APOO: variants seen among roughly 807,000 people sequenced by gnomAD.
APOO encodes the protein apolipoprotein O.
In APOO, 11 loss-of-function variants were observed where a neutral mutation model predicts 23.1. The observed-to-expected ratio is 0.48, with a 90% CI of 0.30 to 0.79. The LOEUF is 0.79. Among genes scored for constraint, APOO ranks in the 30% least tolerant of loss-of-function variants. The pLI, the probability that APOO is intolerant of heterozygous loss-of-function variation, is 0.07. For missense variants in APOO, 160 were observed against 142.7 expected, an observed-to-expected ratio of 1.12 and a Z score of -0.62; for synonymous variants, 59 against 54.8, an observed-to-expected ratio of 1.08 and a Z score of -0.34.
intron 5 of APOO, among the ~76,000 whole-genome samples, chrX:23,867,766 T>A (rs1456572584): frequency 4.5e-5 from 5 of 111,234 alleles, no homozygotes; most frequent in Admixed American, 9.7e-5. Flanking sequence ...ATGGTCTCGA[T>A]CTCCTGACCT....
rs1219687738 is a variant in APOO, at chrX:23,868,683, A to G, written c.298T>C (p.Tyr100His). ...GGAGGTGCATTTTGGAGATAGTCAT[A>G]GCTGTCTACAATAGAATTAGACCAG... ...QSLVQWGLDSYDYLQNAPPGF... is the reference protein window; with the variant it reads ...QSLVQWGLDSHDYLQNAPPGF... Residue 100 changes from tyrosine (Y) to histidine (H), a missense_variant, in exon 5 of 9, where the codon TAT (tyrosine) becomes CAT (histidine). By Grantham distance (83) the Tyr-to-His change is moderately conservative (BLOSUM62 2). Coordinates refer to ENST00000379226, the MANE Select transcript of APOO (RefSeq NM_024122.5). The G allele has an allele frequency of 4.2e-6, 5 of 1,200,539 alleles. No individual in the cohort carries two copies. The African/African-American group carries it at 5.3e-5, about 13-fold the overall frequency.
intron 2 of APOO, among the ~76,000 whole-genome samples, chrX:23,880,061 T>A: frequency 9.1e-6 from 1 of 110,220 alleles, no homozygotes; most frequent in Non-Finnish European, 1.9e-5. Context: ...ATTTCTTGTT[T>A]TTTTTTTTTT....
intron 1 of APOO, 71 bp downstream of exon 1, chrX:23,907,623 A>G: frequency 9.1e-7 from 1 of 1,101,582 alleles, no homozygotes; most frequent in Non-Finnish European, 1.2e-6. Flanking sequence ...AGAGGCCCCA[A>G]GAGAGCGCGG....
Position 23,847,746 on chromosome X carries a change from T to C in APOO, c.562-7369A>G, listed in dbSNP as rs1423817248. Among the ~76,000 whole-genome samples the C allele has an allele frequency of 1.1e-4, 12 of 108,132 alleles. No individual in the cohort carries two copies. The Admixed American group carries it at 1.2e-3, about 11-fold the overall frequency. The allele number at this position is 108,132 out of a possible 115,157, so 93.9% of individuals were successfully genotyped here. On this transcript the variant is annotated intron_variant, in intron 7 of 8. Transcript: ENST00000379226. ...CTCCTAGACTCAAGTGATCCTCCTGTCTCAGCCTCCCAAAGTGCTGGGATT... is the reference window on the plus strand; with the variant it reads ...CTCCTAGACTCAAGTGATCCTCCTGCCTCAGCCTCCCAAAGTGCTGGGATT...
At chrX:23,862,136 A>G (rs905534600) in intron 5 of APOO, among the ~76,000 whole-genome samples, 1 of 111,349 alleles carries the variant, frequency 9.0e-6, no homozygotes, top group Non-Finnish European at 1.9e-5. Context: ...ATGACTGGAT[A>G]ACCAAGAATC....
intron 8 of APOO, among the ~76,000 whole-genome samples, chrX:23,834,269 G>A (rs1211118483): frequency 3.7e-5 from 4 of 107,409 alleles, no homozygotes; most frequent in South Asian, 8.4e-4. Context: ...GGTGGCGGGC[G>A]CCTGTAATCC....
Position 23,885,142 on chromosome X carries a change from T to C in APOO, c.10-4190A>G, listed in dbSNP as rs749087411. ...GGCCGGGTGCGGTGGCTCACGTCTG[T>C]AATCCCAGCACTTTGGGAGGCCGAG... On this transcript the variant is annotated intron_variant, in intron 1 of 8. Transcript: ENST00000379226. Among the ~76,000 whole-genome samples, 5 of 109,625 alleles carry C rather than the reference T, an allele frequency of 4.6e-5. No individual in the cohort carries two copies. In the South Asian group the frequency reaches 2.0e-3, roughly 43 times the overall value.
chrX:23,881,965 A>T (rs1926165697), intron 1 of APOO, among the ~76,000 whole-genome samples: 1 of 104,783 alleles, frequency 9.5e-6, no homozygotes, highest in Non-Finnish European at 1.9e-5. Context: ...AAAAAAAAAA[A>T]AAAAAAAAAA....
At chrX:23,848,933 T>C (rs1331576714) in intron 7 of APOO, among the ~76,000 whole-genome samples, 1 of 102,249 alleles carries the variant, frequency 9.8e-6, no homozygotes, top group African/African-American at 3.6e-5. Flanking sequence ...CTCAGCTCAC[T>C]GCAAGCTCCG....
chrX:23,856,768 G>A lies in APOO; in HGVS notation c.481-386C>T, dbSNP rs4384162. ...AGGGTTTCACCACATTGGTCAGGCT[G>A]GTCTCGAACTCCTGGCCTCAGGTGA... On this transcript the variant is annotated intron_variant, in intron 6 of 8. Transcript: ENST00000379226. 5.9e-3 allele frequency among the ~76,000 whole-genome samples: 666 copies of A among 112,583 alleles called. 3 individuals carry two copies. Among genetic ancestry groups the A allele is most frequent in the Non-Finnish European group, 9.6e-3 (512 of 53,295 alleles).
chrX:23,889,774 T>C (rs775365766), intron 1 of APOO, among the ~76,000 whole-genome samples: 340 of 106,726 alleles, frequency 3.2e-3, no homozygotes, highest in Admixed American at 4.9e-3. Context: ...GCCATTCTCC[T>C]GCCTCAGCCT....
intron 1 of APOO, among the ~76,000 whole-genome samples, chrX:23,900,716 C>G (rs957206602): frequency 2.8e-5 from 3 of 107,957 alleles, no homozygotes; most frequent in Non-Finnish European, 5.7e-5. Context: ...CAAGGTCGCT[C>G]AGCCAGAAAC....
intron 7 of APOO, among the ~76,000 whole-genome samples, chrX:23,850,814 G>GA (rs750493295): frequency 1.8e-5 from 2 of 111,699 alleles, no homozygotes. Context: ...GCAACAGAGT[G>GA]AGACTCCGTC....
chrX:23,907,548 C>T (rs1927419956), intron 1 of APOO, 146 bp downstream of exon 1: 1 of 612,632 alleles, frequency 1.6e-6, no homozygotes, highest in Admixed American at 4.5e-5. Flanking sequence ...GAATGAACCG[C>T]GGGGCCGGGA....
Position 23,843,831 on chromosome X carries a change from G to A in APOO, c.562-3454C>T, listed in dbSNP as rs7058241. On this transcript the variant is annotated intron_variant, in intron 7 of 8. Transcript: ENST00000379226. ...GCTCCCGACCACAGGTGATTTGCCT[G>A]CCTCGGCCTACAAAGTGCTGGGATT... Among the ~76,000 whole-genome samples the A allele has an allele frequency of 3.6e-3, 403 of 111,321 alleles. 1 individual carries two copies. Among genetic ancestry groups the A allele is most frequent in the African/African-American group, 0.011 (352 of 30,733 alleles).
intron 1 of APOO, among the ~76,000 whole-genome samples, chrX:23,885,304 C>A (rs1437840437): frequency 9.2e-6 from 1 of 109,274 alleles, no homozygotes; most frequent in African/African-American, 3.3e-5. Flanking sequence ...GAGGCTGAGG[C>A]AGGAGAATTG....
In APOO at chrX:23,878,961, A is replaced by T; in HGVS notation, c.191T>A (p.Ile64Asn). Residue 64 changes from isoleucine to asparagine, a missense_variant, in exon 3 of 9, where the codon ATC becomes AAC. Transcript: ENST00000379226. ...CTCGCAATAGTGTCGGAGCTGTGAGATGCTTTCTTCAAGCTGGCTCCTTGC... is the reference window on the plus strand; with the variant it reads ...CTCGCAATAGTGTCGGAGCTGTGAGTTGCTTTCTTCAAGCTGGCTCCTTGC... The part of the protein sequence containing the change: ...EEARSQLEES[I>N]SQLRHYCEPY... The T allele has an allele frequency of 8.3e-7, 1 of 1,211,626 alleles. No homozygotes were observed. Among genetic ancestry groups the T allele is most frequent in the Non-Finnish European group, 1.1e-6 (1 of 895,341 alleles).
At chrX:23,860,820 C>A (rs73485520) in intron 5 of APOO, among the ~76,000 whole-genome samples, 7 of 100,833 alleles carry the variant, frequency 6.9e-5, no homozygotes, top group African/African-American at 2.6e-4. Flanking sequence ...GTACGCCCAG[C>A]CCCCCATCTC....
In APOO at chrX:23,833,452, G is replaced by C; in HGVS notation, c.*190C>G. On this transcript the variant is annotated 3_prime_UTR_variant, in exon 9 of 9. Transcript: ENST00000379226. ...ATTATCTCTAGGTGAAGGGATTCCA[G>C]GTTAGTTTGCTTGTAGGATGATTTC... 1 of 111,318 alleles carries C rather than the reference G, an allele frequency of 9.0e-6. No homozygotes were observed. Among genetic ancestry groups the C allele is most frequent in the Non-Finnish European group, 1.9e-5 (1 of 53,019 alleles). The allele number at this position is 111,318 out of a possible 1,213,427, so 9.2% of individuals were successfully genotyped here.
Sources: gnomAD v4.1 joint callset for allele counts (sites outside exome capture counted in the v4.1 genomes callset) on GRCh38, gnomAD v4.1.1 for gene constraint, MANE v1.5 for transcripts, NCBI Gene and HGNC (gene_info 2026-07-23, HGNC 2026-07-21) for gene names.